Variants in ZFHX3 observed in about 807,000 individuals in gnomAD.
ZFHX3 encodes the protein zinc finger homeobox protein 3.
In ZFHX3, 42 loss-of-function variants were observed where a neutral mutation model predicts 279.1. That is an observed-to-expected ratio of 0.15 (90% CI 0.12 to 0.19). The LOEUF is 0.19. Among genes scored for constraint, ZFHX3 ranks in the 10% least tolerant of loss-of-function variants. ZFHX3 has a pLI of 1.00. For synonymous variants in ZFHX3, 2,293 were observed against 1,957.8 expected (o/e 1.17, Z -4.52); for missense variants, 4,981 against 4,754.0 (o/e 1.05, Z -1.40).
chr16:73,835,617 C>T (rs1238108544), intron 1 of ZFHX3, among the ~76,000 whole-genome samples: 1 of 151,556 alleles, frequency 6.6e-6, no homozygotes, highest in East Asian at 1.9e-4. Context: ...ATTACAGGCA[C>T]CCGCCACCAT....
chr16:72,943,939 C>T (rs1264071212), intron 3 of ZFHX3, among the ~76,000 whole-genome samples: 1 of 152,092 alleles, frequency 6.6e-6, no homozygotes, highest in Admixed American at 6.5e-5. Context: ...CATGTACTGA[C>T]CTAAAATGAT....
chr16:72,959,949 G>A lies in ZFHX3; in HGVS notation c.197C>T (p.Ala66Val), dbSNP rs778500476. Residue 66 changes from alanine to valine, a missense_variant, in exon 2 of 10, where the codon GCG becomes GTG. Coordinates refer to ENST00000268489, the MANE Select transcript of ZFHX3 (RefSeq NM_006885.4). ...PFNERLAEST[A>V]SAGPPSEPAS... ...GGGCTCGGAGGGGGGCCCGGCCGACGCGGTGCTCTCCGCGAGGCGCTCATT... is the reference window on the plus strand; with the variant it reads ...GGGCTCGGAGGGGGGCCCGGCCGACACGGTGCTCTCCGCGAGGCGCTCATT... The A allele has an allele frequency of 2.8e-5, 45 of 1,605,368 alleles. No individual in the cohort carries two copies. Among genetic ancestry groups the A allele is most frequent in the East Asian group, 2.2e-4 (10 of 44,736 alleles).
chr16:73,554,824 T>G (rs1453430601), intron 2 of ZFHX3: 1 of 152,148 alleles, frequency 6.6e-6, no homozygotes, highest in East Asian at 1.9e-4. Context: ...ACAGCTTCCC[T>G]TATTCTCGCC....
At chr16:73,736,919 T>C (rs1374329914) in intron 1 of ZFHX3, among the ~76,000 whole-genome samples, 1 of 152,222 alleles carries the variant, frequency 6.6e-6, no homozygotes, top group East Asian at 1.9e-4. Flanking sequence ...TCATGGTCAA[T>C]GCTGTCAGAT....
chr16:73,091,571 A>T (rs1291171566), intron 8 of ZFHX3, among the ~76,000 whole-genome samples: 1 of 152,228 alleles, frequency 6.6e-6, no homozygotes, highest in Non-Finnish European at 1.5e-5. Flanking sequence ...GCCTTGCTCA[A>T]TCCCATCTTT....
chr16:73,585,430 C>T (rs115961498), intron 2 of ZFHX3, among the ~76,000 whole-genome samples: 355 of 152,204 alleles, frequency 2.3e-3, no homozygotes, highest in African/African-American at 8.1e-3. Flanking sequence ...ACAAACAAAA[C>T]ACACACTGGG....
At chr16:73,890,144 G>C (rs1038455294) in intron 1 of ZFHX3, among the ~76,000 whole-genome samples, 1 of 150,044 alleles carries the variant, frequency 6.7e-6, no homozygotes, top group Non-Finnish European at 1.5e-5. Context: ...GAGCGAATTT[G>C]ACTTCTAAAA....
chr16:73,606,769 T>C (rs868110248), intron 2 of ZFHX3, among the ~76,000 whole-genome samples: 3 of 152,130 alleles, frequency 2.0e-5, no homozygotes, highest in Non-Finnish European at 2.9e-5. Context: ...TGTGTGTTGT[T>C]TCCCCACATG....
At chr16:73,560,957 C>G (rs2020360837) in intron 2 of ZFHX3, among the ~76,000 whole-genome samples, 1 of 152,134 alleles carries the variant, frequency 6.6e-6, no homozygotes, top group Non-Finnish European at 1.5e-5. Flanking sequence ...TGAAAGGGAA[C>G]AAACATAATC....
At chr16:73,244,607 C>T (rs940041587) in intron 5 of ZFHX3, among the ~76,000 whole-genome samples, 3 of 152,156 alleles carry the variant, frequency 2.0e-5, no homozygotes, top group African/African-American at 4.8e-5. Context: ...AATTTCAACC[C>T]GAAGCAGACA....
At chr16:73,587,052 A>G (rs937254793) in intron 2 of ZFHX3, among the ~76,000 whole-genome samples, 7 of 152,312 alleles carry the variant, frequency 4.6e-5, no homozygotes, top group African/African-American at 7.2e-5. Context: ...TGGAGCATCA[A>G]TTTTGGAGAC....
chr16:72,883,052 G>GTT (rs2038533168), intron 4 of ZFHX3, among the ~76,000 whole-genome samples: 1 of 123,474 alleles, frequency 8.1e-6, no homozygotes, highest in Non-Finnish European at 1.7e-5. Flanking sequence ...GTGTGTGTGT[G>GTT]TAGCGGGTAG....
At chr16:73,072,144 G>C (rs1415913558) in intron 8 of ZFHX3, among the ~76,000 whole-genome samples, 3 of 152,202 alleles carry the variant, frequency 2.0e-5, no homozygotes, top group Non-Finnish European at 2.9e-5. Context: ...TTCACCACTG[G>C]GTTGGATAGA....
intron 3 of ZFHX3, among the ~76,000 whole-genome samples, chr16:73,439,173 AT>A (rs2018045228): frequency 6.6e-6 from 1 of 152,142 alleles, no homozygotes; most frequent in South Asian, 2.1e-4. Context: ...GGGGTGAGAA[AT>A]CCATCAGCTG....
intron 2 of ZFHX3, among the ~76,000 whole-genome samples, chr16:73,486,097 T>C (rs976849503): frequency 6.6e-6 from 1 of 152,214 alleles, no homozygotes; most frequent in Non-Finnish European, 1.5e-5. Flanking sequence ...CCTAAAGTAT[T>C]GAGGCAGCAG....
chr16:73,789,943 G>A (rs868019695), intron 1 of ZFHX3, among the ~76,000 whole-genome samples: 26 of 152,220 alleles, frequency 1.7e-4, no homozygotes, highest in Middle Eastern at 6.8e-3. Flanking sequence ...GCACTTTGCC[G>A]TTCTGCCTCA....
chr16:72,980,860 C>CG (rs1555536669), intron 1 of ZFHX3, among the ~76,000 whole-genome samples: 1 of 152,090 alleles, frequency 6.6e-6, no homozygotes, highest in Non-Finnish European at 1.5e-5. Flanking sequence ...ACAAAAAAGA[C>CG]GGAACAAATC....
At chr16:72,902,421 G>C (rs561368076) in intron 3 of ZFHX3, among the ~76,000 whole-genome samples, 81 of 152,326 alleles carry the variant, frequency 5.3e-4, no homozygotes, top group Non-Finnish European at 1.1e-3. Flanking sequence ...GCTTGCGCCT[G>C]GGTTTGGCAG....
rs111732748 is a variant in ZFHX3 at position 73,705,467 on chromosome 16, C to T, written c.-1607-25227G>A. On this transcript the variant is annotated intron_variant, in intron 1 of 17. Coordinates refer to the ZFHX3 transcript ENST00000641206. Reference sequence around the variant, plus strand: ...CCAGTATACTCTGATGCTGCAAAGGCGAGAAGAAATGGATAAGCCCCAACA... The same window carrying T: ...CCAGTATACTCTGATGCTGCAAAGGTGAGAAGAAATGGATAAGCCCCAACA... Among the ~76,000 whole-genome samples, 424 of 152,290 alleles carry T rather than the reference C, an allele frequency of 2.8e-3. 8 individuals carry two copies. Among genetic ancestry groups the T allele is most frequent in the Middle Eastern group, 0.01 (3 of 294 alleles).
Sources: gnomAD v4.1 joint callset for allele counts (sites outside exome capture counted in the v4.1 genomes callset) on GRCh38, gnomAD v4.1.1 for gene constraint, MANE v1.5 for transcripts, NCBI Gene and HGNC (gene_info 2026-07-23, HGNC 2026-07-21) for gene names.